KIF1A: variants seen among roughly 807,000 people sequenced by gnomAD.
KIF1A encodes the protein kinesin family member 1A, also known as kinesin-like protein KIF1A.
KIF1A carries 46 observed loss-of-function variants against 227.3 expected under a neutral mutation model. That is an observed-to-expected ratio of 0.20 (90% CI 0.16 to 0.26). KIF1A has a LOEUF of 0.26. Ranked by LOEUF, KIF1A falls within the 10% of genes least tolerant of loss-of-function variation. The probability of loss-of-function intolerance (pLI) is 1.00; values close to 1 mark genes in which losing one functional copy is unlikely to be tolerated. For synonymous variants in KIF1A, 1,022 were observed against 1,012.8 expected (o/e 1.01, Z -0.17); for missense variants, 1,683 against 2,485.9 (o/e 0.68, Z 6.87).
intron 28 of KIF1A, among the ~76,000 whole-genome samples, chr2:240,747,609 C>T (rs1022123070): frequency 1.3e-5 from 2 of 152,196 alleles, no homozygotes; most frequent in Non-Finnish European, 2.9e-5. Flanking sequence ...TGCCCGCATT[C>T]CCAGGTGCTC....
intron 1 of KIF1A, among the ~76,000 whole-genome samples, chr2:240,804,964 A>G (rs2057256511): frequency 6.6e-6 from 1 of 150,832 alleles, no homozygotes; most frequent in African/African-American, 2.4e-5. Flanking sequence ...TGGGAGAAGC[A>G]ATTCACCATA....
At chr2:240,779,427 C>T (rs2053271831) in intron 10 of KIF1A, among the ~76,000 whole-genome samples, 1 of 148,942 alleles carries the variant, frequency 6.7e-6, no homozygotes, top group South Asian at 2.1e-4. Context: ...CTCAGGTCCT[C>T]ACTCACTTCC....
intron 27 of KIF1A, among the ~76,000 whole-genome samples, chr2:240,753,624 C>T (rs541767735): frequency 3.9e-5 from 6 of 152,252 alleles, no homozygotes; most frequent in Admixed American, 2.0e-4. Context: ...AGCACAGTGG[C>T]GAGCACACAG....
chr2:240,740,339 G>T lies in KIF1A; in HGVS notation c.3775C>A (p.Arg1259Ser), dbSNP rs766693472. 5 of 1,613,692 alleles carry T rather than the reference G, an allele frequency of 3.1e-6. No homozygotes were observed. Among genetic ancestry groups the T allele is most frequent in the Non-Finnish European group, 4.2e-6 (5 of 1,179,778 alleles). The change falls in exon 36 of 49, where the codon CGT (arginine) becomes AGT (serine). Residue 1259 changes from arginine (R) to serine (S), a missense_variant. Arg to Ser is a moderately radical substitution (Grantham distance 110, BLOSUM62 -1). Around this residue, in one of 12 missense-constraint regions of KIF1A, gnomAD observed 759 missense variants for 1,020.2 expected, o/e 0.74. Coordinates refer to ENST00000498729, the MANE Select transcript of KIF1A (RefSeq NM_001244008.2). The surrounding 1 kb of genome is among the most constrained non-coding windows in gnomAD (Gnocchi z 6.1). ...GDYIPAVVDH[R>S]GGMPCMGTFL... ...GTCCCCATGCATGGCATGCCCCCACGGTGGTCCACCACGGCCGGGATGTAA... is the reference window on the plus strand; with the variant it reads ...GTCCCCATGCATGGCATGCCCCCACTGTGGTCCACCACGGCCGGGATGTAA...
In KIF1A at chr2:240,715,463, C is replaced by T. The variant is rs1212928339; in HGVS notation, c.*1901G>A. On this transcript the variant is annotated 3_prime_UTR_variant, in exon 49 of 49. Transcript: ENST00000498729. ...GGGGATGAGGGTGGCGGTGGCCACA[C>T]CGCACCTGAGCCCAGGTACGAAAAG... The T allele has an allele frequency of 6.6e-6, 1 of 152,256 alleles. No individual in the cohort carries two copies. The highest frequency in any genetic ancestry group is 1.5e-5 in the Non-Finnish European group (1 of 68,040). 9.4% of individuals were successfully genotyped at this position (152,256 alleles called of 1,614,324 possible). A position where few individuals can be genotyped will look rare whatever the true frequency, so the allele number is the denominator to read the frequency against.
At chr2:240,746,369 T>G (rs556190575) in intron 29 of KIF1A, among the ~76,000 whole-genome samples, 192 bp from the exon 30 acceptor site, 29 of 152,328 alleles carry the variant, frequency 1.9e-4, no homozygotes, top group African/African-American at 7.0e-4. Flanking sequence ...TTTTCCCTGC[T>G]GTGGATGTGT....
intron 47 of KIF1A, among the ~76,000 whole-genome samples, chr2:240,718,629 G>T (rs940013601): frequency 6.6e-6 from 1 of 152,270 alleles, no homozygotes; most frequent in African/African-American, 2.4e-5. Context: ...GCTGGGCAGA[G>T]TGGGGGCAGG....
chr2:240,796,376 C>T (rs2056397074), intron 2 of KIF1A, among the ~76,000 whole-genome samples: 5 of 152,178 alleles, frequency 3.3e-5, no homozygotes, highest in South Asian at 2.1e-4. Flanking sequence ...GCAGGACAAC[C>T]GGTAGGTGCA....
At position 240,727,202 on chromosome 2, in the gene KIF1A, T is replaced by C. The variant is rs574320014; in HGVS notation, c.4008-262A>G. 2.6e-5 allele frequency among the ~76,000 whole-genome samples: 4 copies of C among 151,918 alleles called. No homozygotes were observed. The South Asian group carries it at 6.2e-4, about 24-fold the overall frequency. On this transcript the variant is annotated intron_variant, in intron 38 of 48. Coordinates refer to ENST00000498729, the MANE Select transcript of KIF1A (RefSeq NM_001244008.2). ...TCCACCACAAATGGTGCCCCAGCTG[T>C]CACGCTGAGGCTGGAAGGAGAGGAG...
At chr2:240,816,278 G>T (rs4676355) in intron 1 of KIF1A, among the ~76,000 whole-genome samples, 67,216 of 151,528 alleles carry the variant, frequency 0.44, 16,089 homozygotes, top group Admixed American at 0.61. Context: ...GCATGCATGT[G>T]TGTGTATGAG....
rs367957554 is a variant in KIF1A at position 240,758,537 on chromosome 2, C to T, written c.2445-40G>A. 3.1e-4 allele frequency: 466 copies of T among 1,503,108 alleles called. 1 individual carries two copies. Among genetic ancestry groups the T allele is most frequent in the Admixed American group, 3.9e-4 (18 of 46,216 alleles). The allele number at this position is 1,503,108 out of a possible 1,614,324, so 93.1% of individuals were successfully genotyped here. On this transcript the variant is annotated intron_variant, in intron 25 of 48. Coordinates refer to ENST00000498729, the MANE Select transcript of KIF1A (RefSeq NM_001244008.2). This position sits in a 1 kb window ranked among gnomAD's most constrained non-coding sequence, Gnocchi z 5.2. ...GGGGTCAATGTGGACCCAGGCCCAGCGCTCAGCAGCTGGCACCGCACACCC... is the reference window on the plus strand; with the variant it reads ...GGGGTCAATGTGGACCCAGGCCCAGTGCTCAGCAGCTGGCACCGCACACCC...
chr2:240,786,699 CCAG>C (rs1559529580), intron 5 of KIF1A, among the ~76,000 whole-genome samples, 186 bp from the exon 6 acceptor site: 97 of 133,784 alleles, frequency 7.3e-4, no homozygotes, highest in African/African-American at 2.0e-3. Context: ...GGGATGGGAG[CCAG>C]CATCAGGACC....
intron 15 of KIF1A, among the ~76,000 whole-genome samples, chr2:240,769,977 A>G (rs2051733820): frequency 1.3e-5 from 2 of 152,218 alleles, no homozygotes; most frequent in African/African-American, 4.8e-5. Context: ...CTCGGCTCCT[A>G]AAGCACAGCC....
chr2:240,817,470 A>AC (rs537331085), intron 1 of KIF1A, among the ~76,000 whole-genome samples: 210 of 152,250 alleles, frequency 1.4e-3, no homozygotes, highest in Middle Eastern at 3.4e-3. Flanking sequence ...AATCACAGCC[A>AC]CCCAGAGACC....
chr2:240,818,380 T>A (rs2106383412), intron 1 of KIF1A, among the ~76,000 whole-genome samples: 1 of 152,076 alleles, frequency 6.6e-6, no homozygotes, highest in East Asian at 1.9e-4. Flanking sequence ...TCCTCATCCC[T>A]CCGGTCCAGA....
chr2:240,720,547 G>A lies in KIF1A; in HGVS notation c.4868+367C>T, dbSNP rs565827093. The A allele has an allele frequency of 7.8e-5, 14 of 178,502 alleles. No individual in the cohort carries two copies. In the South Asian group the frequency reaches 2.2e-3, roughly 28 times the overall value. 11.1% of individuals were successfully genotyped at this position (178,502 alleles called of 1,614,324 possible). On this transcript the variant is annotated intron_variant, in intron 45 of 48. Transcript: ENST00000498729. ...GTCTCTTCCAAATGCGGACCTGCAGGGGCCAGGTGTCCCCTCCACAATACT... is the reference window on the plus strand; with the variant it reads ...GTCTCTTCCAAATGCGGACCTGCAGAGGCCAGGTGTCCCCTCCACAATACT...
chr2:240,776,294 C>T (rs1435015419), intron 10 of KIF1A, among the ~76,000 whole-genome samples: 2 of 152,358 alleles, frequency 1.3e-5, no homozygotes, highest in East Asian at 3.9e-4. Flanking sequence ...ATGGCCCCTC[C>T]TCGAACACCA....
rs2125748303 is a variant in KIF1A at position 240,740,645 on chromosome 2, G to T, written c.3750-281C>A. Among the ~76,000 whole-genome samples the T allele has an allele frequency of 6.6e-6, 1 of 152,184 alleles. No individual in the cohort carries two copies. The highest frequency in any genetic ancestry group is 1.9e-4 in the East Asian group (1 of 5,162). ...GCCCCTCTGGGCTGGATCTTTGTAAGTTCCCAAGGGTCCTCTGCTTCCCCT... is the reference window on the plus strand; with the variant it reads ...GCCCCTCTGGGCTGGATCTTTGTAATTTCCCAAGGGTCCTCTGCTTCCCCT... On this transcript the variant is annotated intron_variant, in intron 35 of 48. Coordinates refer to ENST00000498729, the MANE Select transcript of KIF1A (RefSeq NM_001244008.2). The surrounding 1 kb of genome is among the most constrained non-coding windows in gnomAD (Gnocchi z 6.1).
At chr2:240,753,544 A>T (rs2049468427) in intron 27 of KIF1A, among the ~76,000 whole-genome samples, 1 of 152,164 alleles carries the variant, frequency 6.6e-6, no homozygotes, top group South Asian at 2.1e-4. Context: ...CCAGGCTCAG[A>T]TCATCCCATT....
Sources: allele counts gnomAD v4.1 joint callset (sites outside exome capture counted in the v4.1 genomes callset), GRCh38; gene constraint gnomAD v4.1.1; regional missense constraint gnomAD v4.1.1; non-coding constraint Gnocchi (gnomAD v3.1); transcripts MANE v1.5; gene names NCBI Gene and HGNC (gene_info 2026-07-23, HGNC 2026-07-21).